The following KCTD20 variants were observed in gnomAD, a reference collection of about 807,000 sequenced individuals.
The protein encoded by KCTD20 is potassium channel tetramerization domain containing 20.
In KCTD20, 30 loss-of-function variants were observed where a neutral mutation model predicts 39.6. The observed-to-expected ratio is 0.76, with a 90% CI of 0.57 to 1.03. The LOEUF is 1.03. Ranked by LOEUF, KCTD20 falls within the 50% of genes least tolerant of loss-of-function variation. The pLI is 0.00. For synonymous variants in KCTD20, 162 were observed against 180.6 expected (o/e 0.90, Z 0.83); for missense variants, 422 against 522.0 (o/e 0.81, Z 1.87).
At chr6:36,450,163 T>TAA (rs576681021) in intron 1 of KCTD20, among the ~76,000 whole-genome samples, 41 of 105,858 alleles carry the variant, frequency 3.9e-4, no homozygotes, top group African/African-American at 1.6e-3. Context: ...GACTCCGTCC[T>TAA]AAAAAAAAAA....
chr6:36,448,772 C>A lies in KCTD20; in HGVS notation c.-47+5661C>A, dbSNP rs148687731. 7.6e-3 allele frequency among the ~76,000 whole-genome samples: 1,160 copies of A among 152,268 alleles called. 9 individuals are homozygous for A. The highest frequency in any genetic ancestry group is 0.014 in the Middle Eastern group (4 of 294). ...TGACTTCAAGAATGAAGCCGCGGAGCCTCGCGGTGAGTGTTACAATTCTTA... is the reference window on the plus strand; with the variant it reads ...TGACTTCAAGAATGAAGCCGCGGAGACTCGCGGTGAGTGTTACAATTCTTA... On this transcript the variant is annotated intron_variant, in intron 1 of 7. Coordinates refer to ENST00000373731, the MANE Select transcript of KCTD20 (RefSeq NM_173562.5).
At chr6:36,450,374 A>G (rs1429101574) in intron 1 of KCTD20, among the ~76,000 whole-genome samples, 4 of 144,182 alleles carry the variant, frequency 2.8e-5, no homozygotes, top group African/African-American at 1.0e-4. Flanking sequence ...TGTAATCCCA[A>G]CTACTCGGGA....
Position 36,447,734 on chromosome 6 carries a change from T to C in KCTD20, c.-47+4623T>C, listed in dbSNP as rs543386944. Reference sequence around the variant, plus strand: ...TGGTGGGTGCTGTAGCTCACACCTATAATCCCAGCACTTTGGGAGGCTGAC... The same window carrying C: ...TGGTGGGTGCTGTAGCTCACACCTACAATCCCAGCACTTTGGGAGGCTGAC... On this transcript the variant is annotated intron_variant, in intron 1 of 7. Coordinates refer to ENST00000373731, the MANE Select transcript of KCTD20 (RefSeq NM_173562.5). Among the ~76,000 whole-genome samples the C allele has an allele frequency of 1.2e-3, 187 of 152,098 alleles. 1 individual carries two copies. The highest frequency in any genetic ancestry group is 2.1e-3 in the Non-Finnish European group (140 of 67,988).
At chr6:36,459,424 G>C (rs917108917) in intron 1 of KCTD20, among the ~76,000 whole-genome samples, 3 of 152,186 alleles carry the variant, frequency 2.0e-5, no homozygotes, top group Non-Finnish European at 2.9e-5. Context: ...TTAAAATCAG[G>C]ATGCATCTGA....
At chr6:36,477,967 C>T (rs951406668) in intron 3 of KCTD20, among the ~76,000 whole-genome samples, 5 of 151,344 alleles carry the variant, frequency 3.3e-5, no homozygotes, top group African/African-American at 4.8e-5. Flanking sequence ...CCCTGGCGGG[C>T]GCCTGTAGTC....
intron 2 of KCTD20, among the ~76,000 whole-genome samples, chr6:36,474,423 A>AG (rs1318012206): frequency 6.6e-6 from 1 of 152,230 alleles, no homozygotes; most frequent in Non-Finnish European, 1.5e-5. Flanking sequence ...AACCAACACC[A>AG]GGGAAGGTAT....
chr6:36,444,173 G>A (rs758379871), intron 1 of KCTD20, among the ~76,000 whole-genome samples: 3 of 152,100 alleles, frequency 2.0e-5, no homozygotes, highest in Non-Finnish European at 4.4e-5. Flanking sequence ...CCTGAGTCTG[G>A]GATTTAAGCA....
At chr6:36,457,094 G>A (rs573406737) in intron 1 of KCTD20, among the ~76,000 whole-genome samples, 4 of 152,146 alleles carry the variant, frequency 2.6e-5, no homozygotes, top group Middle Eastern at 3.4e-3. Context: ...CACCGTGCCC[G>A]GCCTAATTTT....
At chr6:36,451,031 C>T (rs1328442796) in intron 1 of KCTD20, 1 of 152,222 alleles carries the variant, frequency 6.6e-6, no homozygotes, top group African/African-American at 2.4e-5. Context: ...GGTCAGTTCT[C>T]CCCTCCTTAG....
chr6:36,466,111 C>T (rs1288518603), intron 1 of KCTD20, among the ~76,000 whole-genome samples: 37 of 149,326 alleles, frequency 2.5e-4, no homozygotes, highest in Admixed American at 6.7e-4. Context: ...CTCTCTCTGT[C>T]ACCCAGGCTG....
intron 1 of KCTD20, among the ~76,000 whole-genome samples, chr6:36,446,022 C>G (rs983202771): frequency 3.8e-5 from 1 of 26,270 alleles, no homozygotes; most frequent in African/African-American, 1.4e-4. Context: ...GTTATGAACT[C>G]AGTTTTTTTT....
intron 1 of KCTD20, among the ~76,000 whole-genome samples, chr6:36,460,324 T>TC (rs200764139): frequency 4.0e-5 from 5 of 124,946 alleles, no homozygotes; most frequent in East Asian, 5.9e-4. Flanking sequence ...TCTTTTTTTT[T>TC]CCCGAGACTG....
rs917865488 is a variant in KCTD20, at chr6:36,488,884, T to G, written c.*1709T>G. 6.5e-6 allele frequency: 1 copy of G among 152,676 alleles called. No individual in the cohort carries two copies. Among genetic ancestry groups the G allele is most frequent in the African/African-American group, 2.4e-5 (1 of 41,466 alleles). 9.5% of individuals were successfully genotyped at this position (152,676 alleles called of 1,614,324 possible). A position where few individuals can be genotyped will look rare whatever the true frequency, so the allele number is the denominator to read the frequency against. On this transcript the variant is annotated 3_prime_UTR_variant, in exon 8 of 8. Transcript: ENST00000373731. ...ATTAATGCTCTGTTCTTCACTAGAA[T>G]GTAGTAAGTGGTTAAACTGAGCTAT...
At chr6:36,472,199 C>T (rs559978805) in intron 2 of KCTD20, among the ~76,000 whole-genome samples, 1 of 152,298 alleles carries the variant, frequency 6.6e-6, no homozygotes, top group East Asian at 1.9e-4. Flanking sequence ...GAAAGCCTAT[C>T]CTGGTGATCA....
chr6:36,479,093 A>G, intron 3 of KCTD20, 28 bp from the exon 4 acceptor site: 1 of 1,415,378 alleles, frequency 7.1e-7, no homozygotes, highest in Non-Finnish European at 1.0e-6. Context: ...GATGGAGAAG[A>G]TAACATTATT....
chr6:36,444,962 CTT>C (rs1774993749), intron 1 of KCTD20, among the ~76,000 whole-genome samples: 1 of 152,052 alleles, frequency 6.6e-6, no homozygotes, highest in African/African-American at 2.4e-5. Context: ...TTAGGTCAGT[CTT>C]AAATTCTGTA....
chr6:36,487,247 ATT>A lies in KCTD20; in HGVS notation c.*74_*75del. 1 of 1,483,868 alleles carries A rather than the reference ATT, an allele frequency of 6.7e-7. No homozygotes were observed. The highest frequency in any genetic ancestry group is 9.2e-7 in the Non-Finnish European group (1 of 1,089,946). The allele number at this position is 1,483,868 out of a possible 1,614,324, so 91.9% of individuals were successfully genotyped here. ...TGCCTGCAGCCAGCCCTCCCTCGTG[ATT>A]TGTCTCACCTTGAGTAGGAGACATG... On this transcript the variant is annotated 3_prime_UTR_variant, in exon 8 of 8. Transcript: ENST00000373731.
At position 36,466,097 on chromosome 6, in the gene KCTD20, G is replaced by C. The variant is rs1390624453; in HGVS notation, c.-46-3955G>C. ...TTTTCTTTTTTTTTTTTTTGAGATGGAGTCTCTCTCTGTCACCCAGGCTGG... is the reference window on the plus strand; with the variant it reads ...TTTTCTTTTTTTTTTTTTTGAGATGCAGTCTCTCTCTGTCACCCAGGCTGG... On this transcript the variant is annotated intron_variant, in intron 1 of 7. Transcript: ENST00000373731. 4.7e-5 allele frequency among the ~76,000 whole-genome samples: 7 copies of C among 150,270 alleles called. No homozygotes were observed. The South Asian group carries it at 6.3e-4, about 14-fold the overall frequency.
At chr6:36,454,542 A>C (rs138317546) in intron 1 of KCTD20, among the ~76,000 whole-genome samples, 1,938 of 152,042 alleles carry the variant, frequency 0.013, 38 homozygotes, top group African/African-American at 0.044. Context: ...GGGTTTCACC[A>C]TATTGGTCAG....
Sources: allele counts gnomAD v4.1 joint callset (sites outside exome capture counted in the v4.1 genomes callset), GRCh38; gene constraint gnomAD v4.1.1; transcripts MANE v1.5; gene names NCBI Gene and HGNC (gene_info 2026-07-23, HGNC 2026-07-21).